The following ITPR2 variants were observed in gnomAD, a reference collection of about 807,000 sequenced individuals.
ITPR2 encodes inositol 1,4,5-trisphosphate receptor type 2, also known as inositol 1,4,5-trisphosphate-gated calcium channel ITPR2.
In ITPR2, 207 loss-of-function variants were observed where a neutral mutation model predicts 317.1. That is an observed-to-expected ratio of 0.65 (90% CI 0.58 to 0.73). ITPR2 has a LOEUF of 0.73. Among genes scored for constraint, ITPR2 ranks in the 30% least tolerant of loss-of-function variants. The probability of loss-of-function intolerance (pLI) is 0.00; values close to 1 mark genes in which losing one functional copy is unlikely to be tolerated. For synonymous variants in ITPR2, 1,156 were observed against 1,149.1 expected (o/e 1.01, Z -0.12); for missense variants, 2,613 against 3,284.0 (o/e 0.80, Z 4.99).
chr12:26,447,520 A>G (rs905063789), intron 45 of ITPR2, among the ~76,000 whole-genome samples: 3 of 59,688 alleles, frequency 5.0e-5, no homozygotes, highest in Non-Finnish European at 3.6e-5. Context: ...GTAAGGACAG[A>G]GTAAAAAAAA....
At chr12:26,794,122 G>GA (rs1325466272) in intron 1 of ITPR2, among the ~76,000 whole-genome samples, 2 of 151,804 alleles carry the variant, frequency 1.3e-5, no homozygotes, top group African/African-American at 4.8e-5. Context: ...TTACTTACAA[G>GA]AAAAAAATCA....
At chr12:26,378,120 T>C (rs1473870609) in intron 55 of ITPR2, among the ~76,000 whole-genome samples, 1 of 152,016 alleles carries the variant, frequency 6.6e-6, no homozygotes, top group Middle Eastern at 3.2e-3. Flanking sequence ...AAAGCAGAAG[T>C]GTAAATGCCT....
chr12:26,672,454 G>T (rs1947801052), intron 13 of ITPR2, among the ~76,000 whole-genome samples: 1 of 151,784 alleles, frequency 6.6e-6, no homozygotes, highest in Non-Finnish European at 1.5e-5. Context: ...ATGACTACTG[G>T]GTACATAACG....
chr12:26,580,705 AG>A (rs2137075273), intron 32 of ITPR2, among the ~76,000 whole-genome samples: 1 of 152,328 alleles, frequency 6.6e-6, no homozygotes. Context: ...TTATCTAAGA[AG>A]CATGGAAGTA....
At chr12:26,422,344 AATTT>A (rs36226396) in intron 49 of ITPR2, among the ~76,000 whole-genome samples, 60,366 of 150,908 alleles carry the variant, frequency 0.4, 13,602 homozygotes, top group Non-Finnish European at 0.52. Context: ...TTAATTAGAT[AATTT>A]ATTAGTTAAA....
intron 34 of ITPR2, among the ~76,000 whole-genome samples, chr12:26,562,589 C>T (rs911425095): frequency 1.8e-4 from 28 of 152,024 alleles, no homozygotes; most frequent in African/African-American, 6.5e-4. Context: ...AGTCCATCAG[C>T]GAAAGAAGAG....
At chr12:26,656,739 T>A (rs1054381825) in intron 18 of ITPR2, among the ~76,000 whole-genome samples, 191 bp from the exon 19 acceptor site, 4 of 152,200 alleles carry the variant, frequency 2.6e-5, no homozygotes, top group African/African-American at 9.7e-5. Context: ...TGTCTCTATG[T>A]CCCTTCAGTT....
Position 26,713,975 on chromosome 12 carries a change from A to G in ITPR2, c.855+1324T>C, listed in dbSNP as rs574526308. Among the ~76,000 whole-genome samples the G allele has an allele frequency of 2.2e-4, 34 of 152,302 alleles. 1 individual carries two copies. Among genetic ancestry groups the G allele is most frequent in the Non-Finnish European group, 4.7e-4 (32 of 68,028 alleles). ...ATAGCTGTTTTCCCCAGAGCTTCTC[A>G]GTTCCATCACCTGTTGATGGTTGTG... On this transcript the variant is annotated intron_variant, in intron 8 of 56. Coordinates refer to ENST00000381340, the MANE Select transcript of ITPR2 (RefSeq NM_002223.4).
At position 26,340,398 on chromosome 12, in the gene ITPR2, T is replaced by C. The variant is rs1281088298; in HGVS notation, c.7858-70A>G. 4.2e-6 allele frequency: 6 copies of C among 1,413,774 alleles called. No individual in the cohort carries two copies. The African/African-American group carries it at 4.4e-5, about 10-fold the overall frequency. The allele number at this position is 1,413,774 out of a possible 1,614,324, so 87.6% of individuals were successfully genotyped here. ...GGGGAGAATGTCTATAGCTGTTTATTATTACTAACATTTAAACCAAAGTCT... is the reference window on the plus strand; with the variant it reads ...GGGGAGAATGTCTATAGCTGTTTATCATTACTAACATTTAAACCAAAGTCT... On this transcript the variant is annotated intron_variant, in intron 55 of 56. Transcript: ENST00000381340.
Position 26,663,794 on chromosome 12 carries a change from A to G in ITPR2, c.1604T>C (p.Met535Thr). ...ATCCCCCAGATCTTCAAGTCTCAGCATCGAGCCTTCTCCTGCTTTCTCTTT... is the reference window on the plus strand; with the variant it reads ...ATCCCCCAGATCTTCAAGTCTCAGCGTCGAGCCTTCTCCTGCTTTCTCTTT... Reference protein sequence around the residue: ...PFKEKAGEGSMLRLEDLGDQR... With the variant: ...PFKEKAGEGSTLRLEDLGDQR... The change falls in exon 15 of 57, where the codon ATG becomes ACG. Residue 535 changes from methionine (M) to threonine (T), a missense_variant. Physicochemically the swap from Met to Thr is moderately conservative, Grantham distance 81. This residue lies in a region of ITPR2 where 515 missense variants were observed against 789.4 expected (regional missense o/e 0.65). Transcript: ENST00000381340. 6.2e-7 allele frequency: 1 copy of G among 1,614,022 alleles called. No individual in the cohort carries two copies. Among genetic ancestry groups the G allele is most frequent in the Non-Finnish European group, 8.5e-7 (1 of 1,179,974 alleles).
chr12:26,699,482 C>T (rs1234229332), intron 9 of ITPR2, among the ~76,000 whole-genome samples: 1 of 152,156 alleles, frequency 6.6e-6, no homozygotes, highest in South Asian at 2.1e-4. Flanking sequence ...GACTCTATGT[C>T]AATAAATTTT....
intron 55 of ITPR2, among the ~76,000 whole-genome samples, chr12:26,343,123 C>A (rs1335458498): frequency 6.6e-6 from 1 of 152,080 alleles, no homozygotes; most frequent in Non-Finnish European, 1.5e-5. Flanking sequence ...GCTTTCAGAA[C>A]CATGACCTGA....
At chr12:26,535,933 C>T (rs986853889) in intron 37 of ITPR2, among the ~76,000 whole-genome samples, 1 of 152,098 alleles carries the variant, frequency 6.6e-6, no homozygotes, top group African/African-American at 2.4e-5. Context: ...GGCAAACAAC[C>T]GTCCATGATC....
chr12:26,732,702 G>A (rs181355244), intron 2 of ITPR2, among the ~76,000 whole-genome samples: 2 of 152,308 alleles, frequency 1.3e-5, no homozygotes, highest in Admixed American at 6.5e-5. Context: ...GTGTACTGTA[G>A]CCATGCAGAG....
intron 26 of ITPR2, among the ~76,000 whole-genome samples, chr12:26,612,070 C>T (rs1565640308): frequency 1.3e-5 from 2 of 152,122 alleles, no homozygotes; most frequent in African/African-American, 4.8e-5. Context: ...ATCCCCTTCT[C>T]CTTATTTATA....
rs11316603 is a variant in ITPR2, at chr12:26,702,431, C to CT, written c.952-6782dup. 4.0e-4 allele frequency among the ~76,000 whole-genome samples: 39 copies of CT among 97,898 alleles called. 1 individual carries two copies. Among genetic ancestry groups the CT allele is most frequent in the Non-Finnish European group, 5.5e-4 (27 of 48,898 alleles). 64.2% of individuals were successfully genotyped at this position (97,898 alleles called of 152,430 possible). On this transcript the variant is annotated intron_variant, in intron 9 of 56. Coordinates refer to ENST00000381340, the MANE Select transcript of ITPR2 (RefSeq NM_002223.4). ...GGTGGGGGGTTGGTGTTTTTTTTTT[C>CT]TTTTTTTTTTTTCTCCTTTTATTTT...
chr12:26,376,696 CTTTT>C (rs923796822), intron 55 of ITPR2, among the ~76,000 whole-genome samples: 1 of 149,554 alleles, frequency 6.7e-6, no homozygotes. Flanking sequence ...TCAATTCTTT[CTTTT>C]TTTTTCTTTC....
intron 2 of ITPR2, among the ~76,000 whole-genome samples, chr12:26,747,893 G>A (rs1391062056): frequency 6.6e-6 from 1 of 152,030 alleles, no homozygotes; most frequent in African/African-American, 2.4e-5. Context: ...GACAAAATTC[G>A]CTGCCCCAAC....
intron 37 of ITPR2, among the ~76,000 whole-genome samples, chr12:26,502,086 T>C (rs1943084975): frequency 6.6e-6 from 1 of 152,162 alleles, no homozygotes; most frequent in South Asian, 2.1e-4. Flanking sequence ...CTATACTCCA[T>C]AGATAGCAAG....
Sources: gnomAD v4.1 joint callset for allele counts (sites outside exome capture counted in the v4.1 genomes callset) on GRCh38, gnomAD v4.1.1 for gene constraint, gnomAD v4.1.1 regional missense constraint, MANE v1.5 for transcripts, NCBI Gene and HGNC (gene_info 2026-07-23, HGNC 2026-07-21) for gene names.